The following TTLL12 variants were observed in gnomAD, a reference collection of about 807,000 sequenced individuals.
TTLL12 encodes the protein tubulin tyrosine ligase like 12, also known as tubulin--tyrosine ligase-like protein 12.
A neutral mutation model predicts 79.6 loss-of-function variants in TTLL12; 77 were observed. The observed-to-expected ratio is 0.97, with a 90% confidence interval of 0.81 to 1.17. TTLL12 has a LOEUF of 1.17. Among genes scored for constraint, TTLL12 ranks in the 50% most tolerant of loss-of-function variants. TTLL12 has a pLI of 0.00. For missense variants in TTLL12, 969 were observed against 895.9 expected, an observed-to-expected ratio of 1.08 and a Z score of -1.04; for synonymous variants, 437 against 376.1, an observed-to-expected ratio of 1.16 and a Z score of -1.87.
chr22:43,180,790 C>T lies in TTLL12; in HGVS notation c.498G>A (p.Val166=). The T allele has an allele frequency of 6.2e-7, 1 of 1,613,234 alleles. No individual in the cohort carries two copies. Among genetic ancestry groups the T allele is most frequent in the Non-Finnish European group, 8.5e-7 (1 of 1,180,004 alleles). Residue 166 remains valine, a synonymous_variant, in exon 3 of 14, where the codon GTG becomes GTA. Coordinates refer to ENST00000216129, the MANE Select transcript of TTLL12 (RefSeq NM_015140.4). ...ELPSTEAVAL[V]LEEMWKFNQT... ...GGTTGAACTTCCACATCTCCTCCAG[C>T]ACCAGGGCCACAGCCTCTGTACTGG...
rs1383425050 is a variant in TTLL12 at position 43,176,413 on chromosome 22, CG to C, written c.841-18del. ...CAGAATGGCCTAAAAGGAAACACACCGGAAGTAGAGATGAGGTCAAGGAAGG... is the reference window on the plus strand; with the variant it reads ...CAGAATGGCCTAAAAGGAAACACACCGAAGTAGAGATGAGGTCAAGGAAGG... On this transcript the variant is annotated intron_variant, in intron 5 of 13. Transcript: ENST00000216129. 3 of 1,596,696 alleles carry C rather than the reference CG, an allele frequency of 1.9e-6. No individual in the cohort carries two copies. The African/African-American group carries it at 4.0e-5, about 21-fold the overall frequency.
chr22:43,169,119 C>T (rs915911025), intron 12 of TTLL12, among the ~76,000 whole-genome samples: 8 of 152,244 alleles, frequency 5.3e-5, no homozygotes, highest in Admixed American at 3.9e-4. Context: ...TGCCCATCTC[C>T]TGCCGCAGAC....
In TTLL12 at chr22:43,174,657, G is replaced by C. The variant is rs371209623; in HGVS notation, c.918-42C>G. ...AGCTGGGTGATCCCGGCTCCCAAGT[G>C]TCCAAGCGGGACTCCAGCACTAGCC... is the stretch of plus-strand genomic sequence containing the variant. On this transcript the variant is annotated intron_variant, in intron 6 of 13. Transcript: ENST00000216129. 9 of 1,435,506 alleles carry C rather than the reference G, an allele frequency of 6.3e-6. No individual in the cohort carries two copies. The African/African-American group carries it at 1.3e-4, about 20-fold the overall frequency. The allele number at this position is 1,435,506 out of a possible 1,614,324, so 88.9% of individuals were successfully genotyped here.
chr22:43,171,596 C>T, intron 11 of TTLL12: 2 of 514,740 alleles, frequency 3.9e-6, no homozygotes, highest in Non-Finnish European at 7.1e-6. Flanking sequence ...TCAAACACAG[C>T]CAGTGGCCCT....
rs778946350 is a variant in TTLL12, at chr22:43,179,879, T to C, written c.668A>G (p.Tyr223Cys). ...GTCCCTCAGGGGCCACAGCAGCGTG[T>C]AGGCCACCTGCTGCGGCATGTAGAA... ...PFFYMPQQVA[Y>C]TLLWPLRDLD... Residue 223 changes from tyrosine (Y) to cysteine (C), a missense_variant, in exon 4 of 14, where the codon TAC becomes TGC. Physicochemically the swap from Tyr to Cys is radical, Grantham distance 194 (BLOSUM62 -2). Transcript: ENST00000216129. The C allele has an allele frequency of 5.0e-6, 8 of 1,609,908 alleles. No individual in the cohort carries two copies. The highest frequency in any genetic ancestry group is 2.2e-5 in the East Asian group (1 of 44,856).
chr22:43,171,506 G>T (rs1931763583), intron 11 of TTLL12: 1 of 279,228 alleles, frequency 3.6e-6, no homozygotes, highest in South Asian at 5.9e-5. Context: ...GGTTGAAGTG[G>T]TGGTGAGGAG....
chr22:43,176,233 C>T (rs1054551404), intron 6 of TTLL12, 87 bp downstream of exon 6: 23 of 1,016,260 alleles, frequency 2.3e-5, no homozygotes, highest in Non-Finnish European at 3.2e-5. Flanking sequence ...GTGCCAAGCA[C>T]TGTTCTGGGG....
intron 11 of TTLL12, chr22:43,170,021 AG>A: frequency 1.6e-5 from 6 of 377,796 alleles, no homozygotes; most frequent in South Asian, 1.2e-4. Context: ...AGAGTGCTTG[AG>A]GGATGCAAGA....
At chr22:43,168,240 G>C in intron 13 of TTLL12, 81 bp from the exon 14 acceptor site, 1 of 1,547,560 alleles carries the variant, frequency 6.5e-7, no homozygotes, top group Admixed American at 1.9e-5. Flanking sequence ...ATCCAGCAAA[G>C]GCTGGGAGGC....
intron 10 of TTLL12, 119 bp downstream of exon 10, chr22:43,172,284 G>C: frequency 2.4e-6 from 3 of 1,268,028 alleles, no homozygotes; most frequent in Non-Finnish European, 3.3e-6. Flanking sequence ...AGCTGGGTGA[G>C]TGATGGAGGG....
Position 43,172,448 on chromosome 22 carries a change from A to G in TTLL12, c.1448T>C (p.Leu483Pro), listed in dbSNP as rs767898159. 7.4e-6 allele frequency: 12 copies of G among 1,614,192 alleles called. No homozygotes were observed. Among genetic ancestry groups the G allele is most frequent in the Non-Finnish European group, 9.3e-6 (11 of 1,180,030 alleles). ...GAACACATCATACACGAACAACCGTAGGGGCCTCACTGACCGCAGCAGCAC... is the reference window on the plus strand; with the variant it reads ...GAACACATCATACACGAACAACCGTGGGGGCCTCACTGACCGCAGCAGCAC... ...YIVLLRSVRPLRLFVYDVFWL... is the reference protein window; with the variant it reads ...YIVLLRSVRPPRLFVYDVFWL... Residue 483 changes from leucine to proline, a missense_variant, in exon 10 of 14, where the codon CTA becomes CCA. By Grantham distance (98) the Leu-to-Pro change is moderately conservative. Transcript: ENST00000216129.
chr22:43,182,108 C>G (rs1359799467), intron 2 of TTLL12, among the ~76,000 whole-genome samples: 3 of 149,696 alleles, frequency 2.0e-5, no homozygotes, highest in Non-Finnish European at 4.5e-5. Flanking sequence ...GCCTCCCCAC[C>G]ACCCAAAACA....
chr22:43,186,803 G>T, intron 1 of TTLL12, 90 bp downstream of exon 1: 1 of 1,175,412 alleles, frequency 8.5e-7, no homozygotes, highest in Non-Finnish European at 1.1e-6. Context: ...GGCTCCCGCC[G>T]CCCGGGAGCG....
At chr22:43,184,951 C>T (rs534092559) in intron 1 of TTLL12, among the ~76,000 whole-genome samples, 6 of 152,190 alleles carry the variant, frequency 3.9e-5, no homozygotes, top group Admixed American at 6.5e-5. Flanking sequence ...TCTCTTCGGC[C>T]GGCCGTGGCG....
chr22:43,180,635 G>A (rs551971948), intron 3 of TTLL12, 107 bp downstream of exon 3: 221 of 1,272,716 alleles, frequency 1.7e-4, no homozygotes, highest in Non-Finnish European at 2.3e-4. Flanking sequence ...AGGAGAAAGT[G>A]AGTTGCTTGC....
At chr22:43,180,616 G>A (rs1416539755) in intron 3 of TTLL12, 126 bp downstream of exon 3, 5 of 1,123,262 alleles carry the variant, frequency 4.5e-6, no homozygotes, top group Non-Finnish European at 6.5e-6. Flanking sequence ...ACTCTCCTTA[G>A]GAAGCCACAG....
intron 11 of TTLL12, among the ~76,000 whole-genome samples, chr22:43,170,575 G>A (rs1931739526): frequency 6.6e-6 from 1 of 152,208 alleles, no homozygotes; most frequent in Non-Finnish European, 1.5e-5. Context: ...AACAAAGCAA[G>A]CTGCAGAAGG....
rs1389974085 is a variant in TTLL12 at position 43,182,993 on chromosome 22, C to A, written c.334G>T (p.Ala112Ser). The A allele has an allele frequency of 1.2e-6, 2 of 1,613,480 alleles. No individual in the cohort carries two copies. The highest frequency in any genetic ancestry group is 1.7e-4 in the Middle Eastern group (1 of 6,060). The change falls in exon 2 of 14, where the codon GCC becomes TCC. Residue 112 changes from alanine to serine, a missense_variant. By Grantham distance (99) the Ala-to-Ser change is moderately conservative. Transcript: ENST00000216129. ...CCAGGCTCCTACCTGTTGGGGTGGG[C>A]TGCCTGGAGCCCGCTCTCCCTGGTC... ...IVTRESGLQA[A>S]HPNSIFLIDH...
Position 43,173,846 on chromosome 22 carries a change from T to TC in TTLL12, c.1230-21dup. Reference sequence around the variant, plus strand: ...TCGCCCCTGGGGAGCAGAAGGGCTGTCTGGGGGGCGCCTGGGGCCTGTGTT... The same window carrying TC: ...TCGCCCCTGGGGAGCAGAAGGGCTGTCCTGGGGGGCGCCTGGGGCCTGTGTT... On this transcript the variant is annotated intron_variant, in intron 8 of 13. Coordinates refer to ENST00000216129, the MANE Select transcript of TTLL12 (RefSeq NM_015140.4). 1 of 1,595,068 alleles carries TC rather than the reference T, an allele frequency of 6.3e-7. No homozygotes were observed. The highest frequency in any genetic ancestry group is 8.5e-7 in the Non-Finnish European group (1 of 1,176,916).
Sources: allele counts gnomAD v4.1 joint callset (sites outside exome capture counted in the v4.1 genomes callset), GRCh38; gene constraint gnomAD v4.1.1; transcripts MANE v1.5; gene names NCBI Gene and HGNC (gene_info 2026-07-23, HGNC 2026-07-21).